Variants in GCC1 observed in about 807,000 individuals in gnomAD.
GCC1 encodes GRIP and coiled-coil domain-containing protein 1.
Under a neutral mutation model 62.5 loss-of-function variants are expected in GCC1, and 36 were observed. The ratio of observed to expected loss-of-function variants is 0.58; its 90% CI spans 0.44 to 0.76. The LOEUF (loss-of-function observed/expected upper bound fraction) is 0.76. GCC1 is among the 30% of genes least tolerant of loss of function. The pLI, the probability that GCC1 is intolerant of heterozygous loss-of-function variation, is 0.00. For synonymous variants in GCC1, 391 were observed against 386.8 expected (o/e 1.01, Z -0.13); for missense variants, 885 against 948.3 (o/e 0.93, Z 0.88).
rs1425405778 is a variant in GCC1 at position 127,582,680 on chromosome 7, C to T, written c.1662G>A (p.Gln554=). The change falls in exon 2 of 2, where the codon CAG becomes CAA. Residue 554 remains glutamine (Q), a synonymous_variant. Transcript: ENST00000321407. The surrounding 1 kb of genome is among the most constrained non-coding windows in gnomAD (Gnocchi z 4.8). ...GGAGCTGCTGCAGCCGGGCCAGCTCCTGCTTCCAGTCATCAGCCTCCTGCT... is the reference window on the plus strand; with the variant it reads ...GGAGCTGCTGCAGCCGGGCCAGCTCTTGCTTCCAGTCATCAGCCTCCTGCT... ...QHQQEADDWK[Q]ELARLQQLHR... The T allele has an allele frequency of 6.2e-7, 1 of 1,613,936 alleles. No homozygotes were observed.
At position 127,581,736 on chromosome 7, in the gene GCC1, T is replaced by C. The variant is rs946366935; in HGVS notation, c.*278A>G. 1.7e-5 allele frequency: 7 copies of C among 403,574 alleles called. No individual in the cohort carries two copies. The highest frequency in any genetic ancestry group is 2.6e-5 in the Non-Finnish European group (6 of 226,432). 25.0% of individuals were successfully genotyped at this position (403,574 alleles called of 1,614,324 possible). ...TCTTATTTTAAAACAGCCTTACCAC[T>C]GTTCCAACTTCTGCACTTCTCAGTC... On this transcript the variant is annotated 3_prime_UTR_variant, in exon 2 of 2. Transcript: ENST00000321407.
In GCC1 at chr7:127,582,097, T is replaced by C. The variant is rs990716558; in HGVS notation, c.2245A>G (p.Ile749Val). Reference sequence around the variant, plus strand: ...TTCTCCTCTGGACTGAAGTGCAAGATAGTCAGTATGGCTGTGAGAGTCTGC... The same window carrying C: ...TTCTCCTCTGGACTGAAGTGCAAGACAGTCAGTATGGCTGTGAGAGTCTGC... ...RQQTLTAILT[I>V]LHFSPEEKQV... Residue 749 changes from isoleucine (I) to valine (V), a missense_variant, in exon 2 of 2, where the codon ATC (isoleucine) becomes GTC (valine). By Grantham distance (29) the Ile-to-Val change is conservative. Coordinates refer to ENST00000321407, the MANE Select transcript of GCC1 (RefSeq NM_024523.6). The surrounding 1 kb of genome is among the most constrained non-coding windows in gnomAD (Gnocchi z 4.8). The C allele has an allele frequency of 1.9e-6, 3 of 1,614,202 alleles. No individual in the cohort carries two copies. The highest frequency in any genetic ancestry group is 2.2e-5 in the East Asian group (1 of 44,880).
In GCC1 at chr7:127,584,257, A is replaced by G; in HGVS notation, c.926T>C (p.Ile309Thr). The G allele has an allele frequency of 1.2e-6, 2 of 1,613,586 alleles. No individual in the cohort carries two copies. The highest frequency in any genetic ancestry group is 1.7e-6 in the Non-Finnish European group (2 of 1,179,946). ...ATCTGGCTGATTCTTCTCATCTCGA[A>G]TGGCCTGCAGTTCACTTTTCAGCTC... Reference protein sequence around the residue: ...VEELKSELQAIRDEKNQPDPR... With the variant: ...VEELKSELQATRDEKNQPDPR... Residue 309 changes from isoleucine to threonine, a missense_variant, in exon 1 of 2, where the codon ATT (isoleucine) becomes ACT (threonine). Ile to Thr is a moderately conservative substitution (Grantham distance 89). Transcript: ENST00000321407.
chr7:127,581,704 C>A lies in GCC1; in HGVS notation c.*310G>T, dbSNP rs971372234. 2 of 279,364 alleles carry A rather than the reference C, an allele frequency of 7.2e-6. No individual in the cohort carries two copies. Among genetic ancestry groups the A allele is most frequent in the Non-Finnish European group, 1.3e-5 (2 of 149,254 alleles). The allele number at this position is 279,364 out of a possible 1,614,324, so 17.3% of individuals were successfully genotyped here. ...TTGTGCCAGGAGCATATTATTAAAACAAAACATCTTATTTTAAAACAGCCT... is the reference window on the plus strand; with the variant it reads ...TTGTGCCAGGAGCATATTATTAAAAAAAAACATCTTATTTTAAAACAGCCT... On this transcript the variant is annotated 3_prime_UTR_variant, in exon 2 of 2. Transcript: ENST00000321407.
At position 127,584,619 on chromosome 7, in the gene GCC1, A is replaced by G. The variant is rs771305960; in HGVS notation, c.564T>C (p.Ala188=). The change falls in exon 1 of 2, where the codon GCT becomes GCC. Residue 188 remains alanine, a synonymous_variant. Coordinates refer to ENST00000321407, the MANE Select transcript of GCC1 (RefSeq NM_024523.6). ...EKSRMEASYL[A]DKKKMKQDLE... is the part of the protein sequence containing the mutation. ...AGTCCTGTTTCATCTTTTTCTTGTC[A>G]GCCAAGTAAGAAGCCTCCATGCGGG... 19 of 1,614,022 alleles carry G rather than the reference A, an allele frequency of 1.2e-5. No homozygotes were observed. The highest frequency in any genetic ancestry group is 2.7e-5 in the African/African-American group (2 of 74,976).
Position 127,580,886 on chromosome 7 carries a change from AG to A in GCC1, c.*1127del, listed in dbSNP as rs1794125858. 1 of 152,236 alleles carries A rather than the reference AG, an allele frequency of 6.6e-6. No individual in the cohort carries two copies. The highest frequency in any genetic ancestry group is 1.5e-5 in the Non-Finnish European group (1 of 68,048). 9.4% of individuals were successfully genotyped at this position (152,236 alleles called of 1,614,324 possible). A position where few individuals can be genotyped will look rare whatever the true frequency, so the allele number is the denominator to read the frequency against. ...CAGTAACAGTAGTTGGGAGAAAAGA[AG>A]GAATAAAGAAACTGAGTTTTCTGAG... On this transcript the variant is annotated 3_prime_UTR_variant, in exon 2 of 2. Transcript: ENST00000321407.
In GCC1 at chr7:127,582,743, G is replaced by A. The variant is rs1249603704; in HGVS notation, c.1599C>T (p.Ser533=). The A allele has an allele frequency of 2.5e-5, 41 of 1,614,116 alleles. No homozygotes were observed. Among genetic ancestry groups the A allele is most frequent in the Non-Finnish European group, 3.2e-5 (38 of 1,180,016 alleles). The change falls in exon 2 of 2, where the codon TCC becomes TCT. Residue 533 remains serine (S), a synonymous_variant. Coordinates refer to ENST00000321407, the MANE Select transcript of GCC1 (RefSeq NM_024523.6). This position sits in a 1 kb window ranked among gnomAD's most constrained non-coding sequence, Gnocchi z 4.8. ...CCAGCTCCTCGCAGGAGAGCCGCAG[G>A]GAAATATACTTCTCCTTCAGCTCTG... The part of the protein sequence containing the change: ...QLAELKEKYI[S]LRLSCEELEH...
At position 127,582,221 on chromosome 7, in the gene GCC1, T is replaced by C; in HGVS notation, c.2121A>G (p.Glu707=). Residue 707 remains glutamate (E), a synonymous_variant, in exon 2 of 2, where the codon GAA becomes GAG. Coordinates refer to ENST00000321407, the MANE Select transcript of GCC1 (RefSeq NM_024523.6). This position sits in a 1 kb window ranked among gnomAD's most constrained non-coding sequence, Gnocchi z 4.8. ...EEVAALQSHI[E]KNIRDQSREG... is the part of the protein sequence containing the mutation. ...CCCTGCTCTGGTCCCTGATGTTCTTTTCGATGTGGCTCTGCAGGGCTGCAA... is the reference window on the plus strand; with the variant it reads ...CCCTGCTCTGGTCCCTGATGTTCTTCTCGATGTGGCTCTGCAGGGCTGCAA... 6.2e-7 allele frequency: 1 copy of C among 1,614,158 alleles called. No homozygotes were observed. Among genetic ancestry groups the C allele is most frequent in the Non-Finnish European group, 8.5e-7 (1 of 1,180,022 alleles).
chr7:127,584,466 C>T lies in GCC1; in HGVS notation c.717G>A (p.Glu239=), dbSNP rs747473665. The T allele has an allele frequency of 1.9e-5, 31 of 1,613,954 alleles. 1 individual carries two copies. In the South Asian group the frequency reaches 3.4e-4, roughly 18 times the overall value. ...LITQQHDRAQ[E]QSDHALMLRE... ...GCAGCATCAAGGCATGGTCACTCTG[C>T]TCTTGGGCCCGATCATGCTGCTGCG... Residue 239 remains glutamate (E), a synonymous_variant, in exon 1 of 2, where the codon GAG becomes GAA. Coordinates refer to ENST00000321407, the MANE Select transcript of GCC1 (RefSeq NM_024523.6).
chr7:127,584,405 G>T lies in GCC1; in HGVS notation c.778C>A (p.Gln260Lys). 1 of 1,613,970 alleles carries T rather than the reference G, an allele frequency of 6.2e-7. No individual in the cohort carries two copies. Among genetic ancestry groups the T allele is most frequent in the Non-Finnish European group, 8.5e-7 (1 of 1,180,012 alleles). ...LQKLLQEERT[Q>K]RQDLELRLEE... is the part of the protein sequence containing the mutation. ...AACCTAAGCTCCAAGTCCTGGCGCT[G>T]GGTCCTCTCCTCCTGCAGCAGCTTC... The change falls in exon 1 of 2, where the codon CAG (glutamine) becomes AAG (lysine). Residue 260 changes from glutamine (Q) to lysine (K), a missense_variant. Physicochemically the swap from Gln to Lys is moderately conservative, Grantham distance 53. Transcript: ENST00000321407.
In GCC1 at chr7:127,580,936, A is replaced by G. The variant is rs1261214937; in HGVS notation, c.*1078T>C. On this transcript the variant is annotated 3_prime_UTR_variant, in exon 2 of 2. Transcript: ENST00000321407. ...AGAACCCCCTTTCCAGACTGCCTGA[A>G]TAAGTTGCCTTTTCTTAAAAGAGCA... is the stretch of plus-strand genomic sequence containing the variant. The G allele has an allele frequency of 6.6e-6, 1 of 152,238 alleles. No individual in the cohort carries two copies. The highest frequency in any genetic ancestry group is 1.5e-5 in the Non-Finnish European group (1 of 68,048). 9.4% of individuals were successfully genotyped at this position (152,238 alleles called of 1,614,324 possible).
Position 127,584,226 on chromosome 7 carries a change from C to G in GCC1, c.957G>C (p.Arg319=), listed in dbSNP as rs1485714683. The change falls in exon 1 of 2, where the codon CGG becomes CGC. Residue 319 remains arginine (R), a synonymous_variant. Coordinates refer to ENST00000321407, the MANE Select transcript of GCC1 (RefSeq NM_024523.6). ...IRDEKNQPDP[R]LQELQEEAAR... is the part of the protein sequence containing the mutation. ...CAGCCTCTTCCTGAAGTTCTTGCAGCCGGGGATCTGGCTGATTCTTCTCAT... is the reference window on the plus strand; with the variant it reads ...CAGCCTCTTCCTGAAGTTCTTGCAGGCGGGGATCTGGCTGATTCTTCTCAT... The G allele has an allele frequency of 1.2e-6, 2 of 1,613,630 alleles. No individual in the cohort carries two copies. Among genetic ancestry groups the G allele is most frequent in the Non-Finnish European group, 1.7e-6 (2 of 1,179,998 alleles).
At position 127,581,018 on chromosome 7, in the gene GCC1, A is replaced by T. The variant is rs1020231198; in HGVS notation, c.*996T>A. Reference sequence around the variant, plus strand: ...GCAGAAAGCACCCCAACCCAGGTTTAGCTGATCTTTACCACTTCCCTGTGA... The same window carrying T: ...GCAGAAAGCACCCCAACCCAGGTTTTGCTGATCTTTACCACTTCCCTGTGA... On this transcript the variant is annotated 3_prime_UTR_variant, in exon 2 of 2. Coordinates refer to ENST00000321407, the MANE Select transcript of GCC1 (RefSeq NM_024523.6). 5 of 152,244 alleles carry T rather than the reference A, an allele frequency of 3.3e-5. No individual in the cohort carries two copies. The highest frequency in any genetic ancestry group is 2.9e-5 in the Non-Finnish European group (2 of 68,042). The allele number at this position is 152,244 out of a possible 1,614,324, so 9.4% of individuals were successfully genotyped here.
At position 127,585,012 on chromosome 7, in the gene GCC1, C is replaced by T. The variant is rs888948780; in HGVS notation, c.171G>A (p.Lys57=). 1.2e-6 allele frequency: 2 copies of T among 1,614,224 alleles called. No homozygotes were observed. The highest frequency in any genetic ancestry group is 1.7e-6 in the Non-Finnish European group (2 of 1,180,048). Residue 57 remains lysine, a synonymous_variant, in exon 1 of 2, where the codon AAG becomes AAA. Coordinates refer to ENST00000321407, the MANE Select transcript of GCC1 (RefSeq NM_024523.6). ...KEKEALEASI[K]VLSVSHEADV... Reference sequence around the variant, plus strand: ...CTGCCTCGTGGGATACCGACAGCACCTTGATGCTGGCCTCTAATGCCTCTT... The same window carrying T: ...CTGCCTCGTGGGATACCGACAGCACTTTGATGCTGGCCTCTAATGCCTCTT...
At position 127,581,322 on chromosome 7, in the gene GCC1, C is replaced by G. The variant is rs1009917343; in HGVS notation, c.*692G>C. 1 of 152,268 alleles carries G rather than the reference C, an allele frequency of 6.6e-6. No individual in the cohort carries two copies. Among genetic ancestry groups the G allele is most frequent in the Non-Finnish European group, 1.5e-5 (1 of 68,118 alleles). The allele number at this position is 152,268 out of a possible 1,614,324, so 9.4% of individuals were successfully genotyped here. A position where few individuals can be genotyped will look rare whatever the true frequency, so the allele number is the denominator to read the frequency against. On this transcript the variant is annotated 3_prime_UTR_variant, in exon 2 of 2. Coordinates refer to ENST00000321407, the MANE Select transcript of GCC1 (RefSeq NM_024523.6). ...GATAGGCAAGAAAGGTCTATTTTAA[C>G]CCTATCCAGGCAAAAAGCAGGTTAC...
Position 127,585,125 on chromosome 7 carries a change from T to C in GCC1, c.58A>G (p.Thr20Ala). The C allele has an allele frequency of 6.2e-7, 1 of 1,612,492 alleles. No homozygotes were observed. The highest frequency in any genetic ancestry group is 8.5e-7 in the Non-Finnish European group (1 of 1,179,378). Residue 20 changes from threonine to alanine, a missense_variant, in exon 1 of 2, where the codon ACT (threonine) becomes GCT (alanine). Transcript: ENST00000321407. ...AGCTGCTTCTTCTGGGTCTCTATAG[T>C]CTCCAGCAAGTCCTTCTTGCTCGGG... Reference protein sequence around the residue: ...GGPSKKDLLETIETQKKQLLQ... With the variant: ...GGPSKKDLLEAIETQKKQLLQ...
Position 127,584,718 on chromosome 7 carries a change from G to A in GCC1, c.465C>T (p.Asp155=). The change falls in exon 1 of 2, where the codon GAC becomes GAT. Residue 155 remains aspartate (D), a synonymous_variant. Transcript: ENST00000321407. ...GDGPFAGGEV[D]KRLHQLKTQL... ...GAGTCTTCAGCTGGTGCAGTCTTTTGTCCACCTCCCCACCTGCAAATGGCC... is the reference window on the plus strand; with the variant it reads ...GAGTCTTCAGCTGGTGCAGTCTTTTATCCACCTCCCCACCTGCAAATGGCC... 1 of 1,614,138 alleles carries A rather than the reference G, an allele frequency of 6.2e-7. No homozygotes were observed. Among genetic ancestry groups the A allele is most frequent in the Non-Finnish European group, 8.5e-7 (1 of 1,180,038 alleles).
Position 127,584,928 on chromosome 7 carries a change from G to A in GCC1, c.255C>T (p.Asp85=), listed in dbSNP as rs751381399. 1.9e-6 allele frequency: 3 copies of A among 1,614,026 alleles called. No homozygotes were observed. The change falls in exon 1 of 2, where the codon GAC becomes GAT. Residue 85 remains aspartate, a synonymous_variant. Transcript: ENST00000321407. ...TATCCTCGCTGTGAGTGGAGCACCG[G>A]TCATCCACAGAGTCAGGAAAGGTGA... ...PGLTFPDSVD[D]RCSTHSEDST... is the part of the protein sequence containing the mutation.
Position 127,582,861 on chromosome 7 carries a change from C to T in GCC1, c.1481G>A (p.Arg494Lys), listed in dbSNP as rs1794154980. The change falls in exon 2 of 2, where the codon AGG (arginine) becomes AAG (lysine). Residue 494 changes from arginine to lysine, a missense_variant. Physicochemically the swap from Arg to Lys is conservative, Grantham distance 26 (BLOSUM62 2). Transcript: ENST00000321407. This position sits in a 1 kb window ranked among gnomAD's most constrained non-coding sequence, Gnocchi z 4.8. ...ELKQLKEEFERYKMRAQVVLK... is the reference protein window; with the variant it reads ...ELKQLKEEFEKYKMRAQVVLK... ...GACAACCTGGGCTCTCATCTTGTAC[C>T]TCTCAAACTCTTCCTTCAGCTGTTT... 6.2e-7 allele frequency: 1 copy of T among 1,614,038 alleles called. No individual in the cohort carries two copies. The highest frequency in any genetic ancestry group is 1.3e-5 in the African/African-American group (1 of 74,904).
Sources: gnomAD v4.1 joint callset for allele counts on GRCh38, gnomAD v4.1.1 for gene constraint, Gnocchi (gnomAD v3.1) non-coding constraint, MANE v1.5 for transcripts, NCBI Gene and HGNC (gene_info 2026-07-23, HGNC 2026-07-21) for gene names.